Variants in TNFRSF1B observed in about 807,000 individuals in gnomAD.
The protein encoded by TNFRSF1B is tumor necrosis factor receptor superfamily member 1B.
In TNFRSF1B, 19 loss-of-function variants were observed where a neutral mutation model predicts 44.6. That is an observed-to-expected ratio of 0.43 (90% CI 0.30 to 0.62). TNFRSF1B has a LOEUF of 0.62. TNFRSF1B is among the 20% of genes least tolerant of loss of function. The probability of loss-of-function intolerance (pLI) is 0.16; values close to 1 mark genes in which losing one functional copy is unlikely to be tolerated. For synonymous variants in TNFRSF1B, 252 were observed against 261.1 expected (o/e 0.97, Z 0.34); for missense variants, 541 against 619.9 (o/e 0.87, Z 1.35).
At chr1:12,202,889 A>G (rs772118694) in intron 9 of TNFRSF1B, among the ~76,000 whole-genome samples, 2 of 152,260 alleles carry the variant, frequency 1.3e-5, no homozygotes, top group Non-Finnish European at 2.9e-5. Flanking sequence ...TGGAAGATGA[A>G]TGAAGAAATG....
chr1:12,195,703 A>G (rs1329669239), intron 8 of TNFRSF1B, among the ~76,000 whole-genome samples: 1 of 152,142 alleles, frequency 6.6e-6, no homozygotes, highest in Admixed American at 6.5e-5. Flanking sequence ...GGAGGAGGAC[A>G]AGGGAGGGGG....
chr1:12,167,343 G>T (rs1051629960), intron 1 of TNFRSF1B, among the ~76,000 whole-genome samples, 174 bp downstream of exon 1: 51 of 152,346 alleles, frequency 3.3e-4, no homozygotes, highest in South Asian at 4.1e-4. Context: ...CTGGGGACCC[G>T]CTGGGGACTC....
chr1:12,204,790 T>TCACCACCAC (rs151248488), intron 9 of TNFRSF1B, among the ~76,000 whole-genome samples: 2 of 150,922 alleles, frequency 1.3e-5, no homozygotes, highest in East Asian at 3.9e-4. Context: ...CTTAAAAACA[T>TCACCACCAC]CACCACCACC....
At chr1:12,198,224 C>T (rs1309134589) in intron 8 of TNFRSF1B, among the ~76,000 whole-genome samples, 1 of 151,756 alleles carries the variant, frequency 6.6e-6, no homozygotes, top group African/African-American at 2.4e-5. Flanking sequence ...CAGGTGCGAA[C>T]ATTTATCGGG....
chr1:12,194,842 C>T (rs1639232001), intron 8 of TNFRSF1B, among the ~76,000 whole-genome samples: 2 of 152,200 alleles, frequency 1.3e-5, no homozygotes, highest in Admixed American at 1.3e-4. Context: ...GCCTTCGTGG[C>T]GTTCGTGGCA....
chr1:12,207,239 T>C lies in TNFRSF1B; in HGVS notation c.*219T>C. ...GGAAAGCCTCTGCTGCCATGGCGTG[T>C]CCCTCTCGGAAGGCTGGCTGGGCAT... On this transcript the variant is annotated 3_prime_UTR_variant, in exon 10 of 10. Coordinates refer to ENST00000376259, the MANE Select transcript of TNFRSF1B (RefSeq NM_001066.3). 4 of 447,298 alleles carry C rather than the reference T, an allele frequency of 8.9e-6. No individual in the cohort carries two copies. The South Asian group carries it at 2.1e-4, about 24-fold the overall frequency. The allele number at this position is 447,298 out of a possible 1,614,324, so 27.7% of individuals were successfully genotyped here. A position where few individuals can be genotyped will look rare whatever the true frequency, so the allele number is the denominator to read the frequency against.
chr1:12,196,076 G>A (rs1639259676), intron 8 of TNFRSF1B, among the ~76,000 whole-genome samples: 2 of 152,264 alleles, frequency 1.3e-5, no homozygotes, highest in South Asian at 4.1e-4. Flanking sequence ...CGAGGTAGAT[G>A]GATCACTTGA....
Position 12,186,183 on chromosome 1 carries a change from C to T in TNFRSF1B, c.79-2613C>T, listed in dbSNP as rs1240953295. Among the ~76,000 whole-genome samples, 4 of 152,158 alleles carry T rather than the reference C, an allele frequency of 2.6e-5. No homozygotes were observed. Among genetic ancestry groups the T allele is most frequent in the Admixed American group, 2.6e-4 (4 of 15,284 alleles). ...TTCCAGCTGTTGGCACCGAGGGGTG[C>T]AGCCAGGGCAGGGTGGTGCTGCCTG... On this transcript the variant is annotated intron_variant, in intron 1 of 9. Coordinates refer to ENST00000376259, the MANE Select transcript of TNFRSF1B (RefSeq NM_001066.3). This position sits in a 1 kb window ranked among gnomAD's most constrained non-coding sequence, Gnocchi z 4.8.
rs1394661716 is a variant in TNFRSF1B at position 12,191,756 on chromosome 1, G to T, written c.308-18G>T. On this transcript the variant is annotated intron_variant, in intron 3 of 9. Coordinates refer to ENST00000376259, the MANE Select transcript of TNFRSF1B (RefSeq NM_001066.3). Reference sequence around the variant, plus strand: ...GCGGAGGCAGGCGTGACCGTTTGCCGCCCTCTCGCTGCTCTAGACCAGGTG... The same window carrying T: ...GCGGAGGCAGGCGTGACCGTTTGCCTCCCTCTCGCTGCTCTAGACCAGGTG... 2.5e-6 allele frequency: 4 copies of T among 1,612,660 alleles called. No homozygotes were observed. The highest frequency in any genetic ancestry group is 3.4e-6 in the Non-Finnish European group (4 of 1,179,514).
In TNFRSF1B at chr1:12,177,009, GT is replaced by G. The variant is rs951547231; in HGVS notation, c.78+9850del. On this transcript the variant is annotated intron_variant, in intron 1 of 9. Transcript: ENST00000376259. The surrounding 1 kb of genome is among the most constrained non-coding windows in gnomAD (Gnocchi z 4.3). ...GCCCTGAGCCCAATGGACCGATTCT[GT>G]TTTTTTTTTGAGATGGAGTCTTGCT... 2.8e-4 allele frequency among the ~76,000 whole-genome samples: 41 copies of G among 148,820 alleles called. No homozygotes were observed. The highest frequency in any genetic ancestry group is 4.9e-4 in the Non-Finnish European group (33 of 66,770).
At chr1:12,181,267 T>C (rs142320093) in intron 1 of TNFRSF1B, among the ~76,000 whole-genome samples, 3 of 152,288 alleles carry the variant, frequency 2.0e-5, no homozygotes, top group East Asian at 3.9e-4. Flanking sequence ...TGCCAGTTCT[T>C]GGCTAAAACC....
intron 1 of TNFRSF1B, chr1:12,167,512 C>G (rs765361552): frequency 1.2e-5 from 5 of 428,888 alleles, no homozygotes; most frequent in African/African-American, 6.4e-5. Flanking sequence ...GACCCGGGAC[C>G]CCTCTTCCCT....
Position 12,192,420 on chromosome 1 carries a change from G to T in TNFRSF1B, c.458-11G>T, listed in dbSNP as rs1639165974. 2 of 1,613,730 alleles carry T rather than the reference G, an allele frequency of 1.2e-6. No individual in the cohort carries two copies. The highest frequency in any genetic ancestry group is 1.7e-6 in the Non-Finnish European group (2 of 1,179,822). ...TCTGAGTGGTTGACAAGTTCGGATTGTTCCCTGAAGGAACTGAAACATCAG... is the reference window on the plus strand; with the variant it reads ...TCTGAGTGGTTGACAAGTTCGGATTTTTCCCTGAAGGAACTGAAACATCAG... On this transcript the variant is annotated splice_polypyrimidine_tract_variant and intron_variant, in intron 4 of 9. Coordinates refer to ENST00000376259, the MANE Select transcript of TNFRSF1B (RefSeq NM_001066.3).
intron 1 of TNFRSF1B, among the ~76,000 whole-genome samples, chr1:12,167,810 A>C (rs568163023): frequency 1.8e-4 from 27 of 152,288 alleles, no homozygotes; most frequent in African/African-American, 6.5e-4. Context: ...CTCTGGGGAC[A>C]GGGCAAGCGA....
At chr1:12,181,156 T>C (rs1638794131) in intron 1 of TNFRSF1B, among the ~76,000 whole-genome samples, 1 of 152,100 alleles carries the variant, frequency 6.6e-6, no homozygotes, top group Non-Finnish European at 1.5e-5. Context: ...ACACTTACCC[T>C]GGAGGCAGGA....
At chr1:12,204,956 C>T in intron 9 of TNFRSF1B, among the ~76,000 whole-genome samples, 1 of 151,948 alleles carries the variant, frequency 6.6e-6, no homozygotes, top group African/African-American at 2.4e-5. Context: ...AGGAGGATCA[C>T]TTGAGCCCAG....
intron 4 of TNFRSF1B, 57 bp downstream of exon 4, chr1:12,191,980 T>C: frequency 1.9e-6 from 3 of 1,570,230 alleles, no homozygotes; most frequent in Non-Finnish European, 1.7e-6. Flanking sequence ...TTTGTAGACA[T>C]CCTTGCAGTG....
chr1:12,207,021 C>T lies in TNFRSF1B; in HGVS notation c.*1C>T, dbSNP rs1639519979. 1.3e-6 allele frequency: 2 copies of T among 1,579,630 alleles called. No individual in the cohort carries two copies. The highest frequency in any genetic ancestry group is 2.7e-5 in the African/African-American group (2 of 74,366). On this transcript the variant is annotated 3_prime_UTR_variant, in exon 10 of 10. Transcript: ENST00000376259. ...TGATGCTGGGATGAAGCCCAGTTAA[C>T]CAGGCCGGTGTGGGCTGTGTCGTAG...
Position 12,192,995 on chromosome 1 carries a change from G to A in TNFRSF1B, c.684G>A (p.Gln228=), listed in dbSNP as rs1345522718. The A allele has an allele frequency of 2.5e-6, 4 of 1,614,064 alleles. No individual in the cohort carries two copies. The highest frequency in any genetic ancestry group is 2.5e-6 in the Non-Finnish European group (3 of 1,180,038). The change falls in exon 6 of 10, where the codon CAG becomes CAA. Residue 228 remains glutamine, a synonymous_variant. Transcript: ENST00000376259. ...QPVSTRSQHT[Q]PTPEPSTAPS... Reference sequence around the variant, plus strand: ...TGTCCACACGATCCCAACACACGCAGCCAACTCCAGAACCCAGCACTGCTC... The same window carrying A: ...TGTCCACACGATCCCAACACACGCAACCAACTCCAGAACCCAGCACTGCTC...
Sources: gnomAD v4.1 joint callset for allele counts (sites outside exome capture counted in the v4.1 genomes callset) on GRCh38, gnomAD v4.1.1 for gene constraint, Gnocchi (gnomAD v3.1) non-coding constraint, MANE v1.5 for transcripts, NCBI Gene and HGNC (gene_info 2026-07-23, HGNC 2026-07-21) for gene names.